Variants in GAREM1 observed in about 807,000 individuals in gnomAD.
GAREM1 encodes GRB2-associated and regulator of MAPK protein 1.
A neutral mutation model predicts 71.3 loss-of-function variants in GAREM1; 26 were observed. The ratio of observed to expected loss-of-function variants is 0.36; its 90% confidence interval spans 0.27 to 0.51. The LOEUF (loss-of-function observed/expected upper bound fraction) is 0.51. Among genes scored for constraint, GAREM1 ranks in the 20% least tolerant of loss-of-function variants. The pLI is 0.95. For missense variants in GAREM1, 1,026 were observed against 1,103.1 expected, an observed-to-expected ratio of 0.93 and a Z score of 0.99; for synonymous variants, 440 against 433.2, an observed-to-expected ratio of 1.02 and a Z score of -0.20.
At chr18:32,304,591 CTT>C (rs1288145868) in intron 3 of GAREM1, among the ~76,000 whole-genome samples, 5 of 152,186 alleles carry the variant, frequency 3.3e-5, no homozygotes, top group African/African-American at 1.2e-4. Context: ...TCCAATAAAA[CTT>C]TATTTACAAA....
At chr18:32,383,139 C>T (rs935087878) in intron 2 of GAREM1, among the ~76,000 whole-genome samples, 36 of 152,346 alleles carry the variant, frequency 2.4e-4, no homozygotes, top group African/African-American at 5.8e-4. Flanking sequence ...ACAAACCCTA[C>T]GGTGTTCTGT....
chr18:32,440,596 CA>C (rs1409033906), intron 1 of GAREM1, among the ~76,000 whole-genome samples: 2 of 152,150 alleles, frequency 1.3e-5, no homozygotes, highest in African/African-American at 4.8e-5. Flanking sequence ...AATGAATCTC[CA>C]AAATTGGAAT....
Position 32,266,127 on chromosome 18 carries a change from CTTTT to C in GAREM1, c.*1740_*1743del, listed in dbSNP as rs142337714. 6.8e-6 allele frequency: 1 copy of C among 148,076 alleles called. No individual in the cohort carries two copies. Among genetic ancestry groups the C allele is most frequent in the African/African-American group, 2.5e-5 (1 of 40,346 alleles). 9.2% of individuals were successfully genotyped at this position (148,076 alleles called of 1,614,324 possible). ...GAGACACGTTAGGAGAAAAAAAATG[CTTTT>C]TTTTTTGATAAAGGAGATCTAAGAT... On this transcript the variant is annotated 3_prime_UTR_variant, in exon 6 of 6. Transcript: ENST00000269209.
intron 1 of GAREM1, among the ~76,000 whole-genome samples, chr18:32,447,418 T>G (rs562460295): frequency 3.3e-5 from 5 of 152,298 alleles, no homozygotes; most frequent in African/African-American, 1.2e-4. Context: ...CAAATAAATT[T>G]CTGAGTCACA....
At chr18:32,441,562 G>A (rs1013492545) in intron 1 of GAREM1, among the ~76,000 whole-genome samples, 1 of 152,124 alleles carries the variant, frequency 6.6e-6, no homozygotes, top group African/African-American at 2.4e-5. Context: ...TTCCAAGATC[G>A]TGTTCTCCAT....
chr18:32,444,060 G>A (rs1230593582), intron 1 of GAREM1, among the ~76,000 whole-genome samples: 2 of 152,084 alleles, frequency 1.3e-5, no homozygotes, highest in East Asian at 1.9e-4. Flanking sequence ...AATGTCCAAT[G>A]TAGGCAAATC....
intron 1 of GAREM1, among the ~76,000 whole-genome samples, chr18:32,458,713 T>C (rs1425627096): frequency 2.0e-5 from 3 of 151,932 alleles, no homozygotes; most frequent in Non-Finnish European, 4.4e-5. Context: ...TATGATATTA[T>C]TGGAGCTATT....
At chr18:32,325,238 T>G (rs2047463780) in intron 2 of GAREM1, among the ~76,000 whole-genome samples, 1 of 152,218 alleles carries the variant, frequency 6.6e-6, no homozygotes, top group Admixed American at 6.5e-5. Context: ...ATTACAGGTG[T>G]GGCACAGAGG....
chr18:32,310,221 A>C lies in GAREM1; in HGVS notation c.365T>G (p.Val122Gly). 2 of 1,614,118 alleles carry C rather than the reference A, an allele frequency of 1.2e-6. No homozygotes were observed. Reference protein sequence around the residue: ...VAKAFPERVYVMEDITFNVKV... With the variant: ...VAKAFPERVYGMEDITFNVKV... ...CACGTTGAATGTGATATCCTCCATGACGTACACGCGTTCAGGAAATGCCTT... is the reference window on the plus strand; with the variant it reads ...CACGTTGAATGTGATATCCTCCATGCCGTACACGCGTTCAGGAAATGCCTT... The change falls in exon 3 of 6, where the codon GTC (valine) becomes GGC (glycine). Residue 122 changes from valine to glycine, a missense_variant. By Grantham distance (109) the Val-to-Gly change is moderately radical. This residue lies in a region of GAREM1 where 172 missense variants were observed against 175.2 expected (regional missense o/e 0.98). Transcript: ENST00000269209.
chr18:32,284,645 T>C (rs189503401), intron 4 of GAREM1, among the ~76,000 whole-genome samples: 2 of 152,334 alleles, frequency 1.3e-5, no homozygotes, highest in East Asian at 3.9e-4. Flanking sequence ...TGCAGTCATG[T>C]TTCTATTGAA....
Position 32,468,969 on chromosome 18 carries a change from C to G in GAREM1, c.121+1339G>C, listed in dbSNP as rs1195258909. Among the ~76,000 whole-genome samples, 244 of 133,458 alleles carry G rather than the reference C, an allele frequency of 1.8e-3. 6 individuals carry two copies. The highest frequency in any genetic ancestry group is 3.2e-3 in the Non-Finnish European group (196 of 61,562). The allele number at this position is 133,458 out of a possible 152,430, so 87.6% of individuals were successfully genotyped here. A position where few individuals can be genotyped will look rare whatever the true frequency, so the allele number is the denominator to read the frequency against. On this transcript the variant is annotated intron_variant, in intron 1 of 5. Transcript: ENST00000269209. The stretch of plus-strand genomic sequence containing the variant: ...ACACACCACCTGTGCGTCCCCCCCC[C>G]CCGCCCCCACCCCACCGCTTCAACA...
rs762500100 is a variant in GAREM1, at chr18:32,310,278, A to C, written c.308T>G (p.Val103Gly). ...LEQDRDIKEP[V>G]QYFNSVEEVA... ...CTCCTCCACACTGTTGAAATATTGC[A>C]CTGGCTCCTTTATATCTCGGTCTTG... The change falls in exon 3 of 6, where the codon GTG becomes GGG. Residue 103 changes from valine to glycine, a missense_variant. Coordinates refer to ENST00000269209, the MANE Select transcript of GAREM1 (RefSeq NM_001242409.2). 8 of 1,613,990 alleles carry C rather than the reference A, an allele frequency of 5.0e-6. No homozygotes were observed. Among genetic ancestry groups the C allele is most frequent in the Non-Finnish European group, 5.9e-6 (7 of 1,179,994 alleles).
chr18:32,415,281 A>G (rs1489364025), intron 1 of GAREM1, among the ~76,000 whole-genome samples: 1 of 152,124 alleles, frequency 6.6e-6, no homozygotes, highest in South Asian at 2.1e-4. Flanking sequence ...GCATTTAAAG[A>G]AAAACTAATA....
chr18:32,283,647 T>C (rs758269784), intron 4 of GAREM1, among the ~76,000 whole-genome samples: 2 of 152,128 alleles, frequency 1.3e-5, no homozygotes, highest in Non-Finnish European at 2.9e-5. Flanking sequence ...AATACAAAGA[T>C]ACAAGAGGAC....
At chr18:32,350,885 T>G (rs1366752874) in intron 2 of GAREM1, among the ~76,000 whole-genome samples, 1 of 152,178 alleles carries the variant, frequency 6.6e-6, no homozygotes, top group East Asian at 1.9e-4. Context: ...TTAAACAAAA[T>G]TTCAATTTAT....
chr18:32,322,638 T>C (rs1263020433), intron 2 of GAREM1, among the ~76,000 whole-genome samples: 1 of 151,516 alleles, frequency 6.6e-6, no homozygotes, highest in African/African-American at 2.4e-5. Flanking sequence ...AGAAAGCAGA[T>C]GTGTCAATCA....
At chr18:32,303,691 G>A (rs2047221307) in intron 3 of GAREM1, among the ~76,000 whole-genome samples, 1 of 152,124 alleles carries the variant, frequency 6.6e-6, no homozygotes, top group Non-Finnish European at 1.5e-5. Flanking sequence ...GCTGAGGCGG[G>A]AAGACTGTTT....
At chr18:32,282,432 A>G (rs2046964004) in intron 4 of GAREM1, among the ~76,000 whole-genome samples, 1 of 152,176 alleles carries the variant, frequency 6.6e-6, no homozygotes, top group Non-Finnish European at 1.5e-5. Flanking sequence ...CTAAAAAAAA[A>G]AGAAGACAGA....
At chr18:32,314,187 G>C (rs1281359010) in intron 2 of GAREM1, among the ~76,000 whole-genome samples, 1 of 151,100 alleles carries the variant, frequency 6.6e-6, no homozygotes, top group African/African-American at 2.4e-5. Flanking sequence ...TTCCTACCTG[G>C]TCCATGCACA....
Sources: gnomAD v4.1 joint callset for allele counts (sites outside exome capture counted in the v4.1 genomes callset) on GRCh38, gnomAD v4.1.1 for gene constraint, gnomAD v4.1.1 regional missense constraint, MANE v1.5 for transcripts, NCBI Gene and HGNC (gene_info 2026-07-23, HGNC 2026-07-21) for gene names.